Variants in AP3B2 observed in about 807,000 individuals in gnomAD.
The protein encoded by AP3B2 is AP-3 complex subunit beta-2.
In AP3B2, 50 loss-of-function variants were observed where a neutral mutation model predicts 126.9. The ratio of observed to expected loss-of-function variants is 0.39; its 90% CI spans 0.31 to 0.50. AP3B2 has a LOEUF of 0.50. Ranked by LOEUF, AP3B2 falls within the 20% of genes least tolerant of loss-of-function variation. The probability of loss-of-function intolerance (pLI) is 0.79; values close to 1 mark genes in which losing one functional copy is unlikely to be tolerated. For missense variants in AP3B2, 1,177 were observed against 1,426.4 expected (o/e 0.83, Z 2.82); for synonymous variants, 541 against 565.0 (o/e 0.96, Z 0.60).
chr15:82,709,824 G>A lies in AP3B2; in HGVS notation c.-118C>T, dbSNP rs994480131. ...CTGGCGAAGGCGGCGGCGCGGCAGG[G>A]GTTCAGCAGAGGCTGCAGTGTGCAG... On this transcript the variant is annotated 5_prime_UTR_variant, in exon 1 of 27. Coordinates refer to ENST00000535359, the MANE Select transcript of AP3B2 (RefSeq NM_001278512.2). The A allele has an allele frequency of 5.3e-6, 4 of 756,326 alleles. No individual in the cohort carries two copies. The African/African-American group carries it at 7.5e-5, about 14-fold the overall frequency. The allele number at this position is 756,326 out of a possible 1,614,324, so 46.9% of individuals were successfully genotyped here. A position where few individuals can be genotyped will look rare whatever the true frequency, so the allele number is the denominator to read the frequency against.
chr15:82,665,476 G>A lies in AP3B2; in HGVS notation c.1952C>T (p.Pro651Leu). ...GCTGACCTCCACGTTGCGCACAGAT[G>A]GGTCTGGGGCTTCCTCCGGCCAGTC... ...LPDWPEEAPD[P>L]SVRNVEEEDL... The change falls in exon 16 of 27, where the codon CCA (proline) becomes CTA (leucine). Residue 651 changes from proline to leucine, a missense_variant. By Grantham distance (98) the Pro-to-Leu change is moderately conservative. This residue lies in a region of AP3B2 where 587 missense variants were observed against 571.3 expected (regional missense o/e 1.03). Transcript: ENST00000535359. This position sits in a 1 kb window ranked among gnomAD's most constrained non-coding sequence, Gnocchi z 4.4. 6.2e-7 allele frequency: 1 copy of A among 1,613,250 alleles called. No homozygotes were observed. The highest frequency in any genetic ancestry group is 1.1e-5 in the South Asian group (1 of 91,046).
In AP3B2 at chr15:82,681,311, C is replaced by A; in HGVS notation, c.521+109G>T. 1 of 1,539,426 alleles carries A rather than the reference C, an allele frequency of 6.5e-7. No individual in the cohort carries two copies. Among genetic ancestry groups the A allele is most frequent in the Non-Finnish European group, 8.8e-7 (1 of 1,133,744 alleles). On this transcript the variant is annotated intron_variant, in intron 5 of 26. Coordinates refer to ENST00000535359, the MANE Select transcript of AP3B2 (RefSeq NM_001278512.2). This position sits in a 1 kb window ranked among gnomAD's most constrained non-coding sequence, Gnocchi z 4.0. ...ATCTCTGTCAGTCCCCCAAACTACC[C>A]TCCTCAAACCCTCTGAGAAGCAGCA...
chr15:82,669,376 G>T (rs191724303), intron 14 of AP3B2, among the ~76,000 whole-genome samples: 1 of 152,150 alleles, frequency 6.6e-6, no homozygotes, highest in Admixed American at 6.5e-5. Flanking sequence ...CAGTAAAGTC[G>T]CAGGATACAA....
intron 1 of AP3B2, among the ~76,000 whole-genome samples, chr15:82,698,511 A>G (rs1023280321): frequency 6.6e-6 from 1 of 151,206 alleles, no homozygotes; most frequent in African/African-American, 2.4e-5. Flanking sequence ...CACATGCCGC[A>G]TCACATCTAA....
At chr15:82,690,349 A>G (rs1042427403) in intron 1 of AP3B2, among the ~76,000 whole-genome samples, 6 of 151,810 alleles carry the variant, frequency 4.0e-5, no homozygotes, top group African/African-American at 1.5e-4. Context: ...GGTGTGCTGC[A>G]CCCATTAATT....
chr15:82,695,983 G>A (rs2048624005), intron 1 of AP3B2, among the ~76,000 whole-genome samples: 1 of 152,208 alleles, frequency 6.6e-6, no homozygotes, highest in African/African-American at 2.4e-5. Context: ...CTGGTGAGCG[G>A]TGTGTATGAG....
rs750578859 is a variant in AP3B2 at position 82,663,168 on chromosome 15, G to A, written c.2563C>T (p.Leu855=). The change falls in exon 22 of 27, where the codon CTG becomes TTG. Residue 855 remains leucine, a synonymous_variant. Coordinates refer to ENST00000535359, the MANE Select transcript of AP3B2 (RefSeq NM_001278512.2). Reference sequence around the variant, plus strand: ...GAGTCTGTGAGTGTCAGGCCCTCCAGGTCAGCAGCCAGACTGGTAGACACA... The same window carrying A: ...GAGTCTGTGAGTGTCAGGCCCTCCAAGTCAGCAGCCAGACTGGTAGACACA... ...AIVSTSLAAD[L]EGLTLTDSTL... is the part of the protein sequence containing the mutation. The A allele has an allele frequency of 3.1e-6, 5 of 1,612,740 alleles. No individual in the cohort carries two copies. The highest frequency in any genetic ancestry group is 1.7e-5 in the Admixed American group (1 of 59,990).
At chr15:82,689,007 A>C (rs2048478899) in intron 3 of AP3B2, 151 bp downstream of exon 3, 10 of 1,030,530 alleles carry the variant, frequency 9.7e-6, no homozygotes, top group African/African-American at 1.6e-5. Context: ...CATCCAGTTC[A>C]GGGACATGGA....
Position 82,659,398 on chromosome 15 carries a change from C to CA in AP3B2, c.*161dup. 2.4e-6 allele frequency: 2 copies of CA among 817,694 alleles called. No homozygotes were observed. Among genetic ancestry groups the CA allele is most frequent in the East Asian group, 5.3e-5 (2 of 38,074 alleles). The allele number at this position is 817,694 out of a possible 1,614,324, so 50.7% of individuals were successfully genotyped here. Reference sequence around the variant, plus strand: ...ATCACTAAGGAATCCATGGGGAGGGCATTAGGGGAGGGCTTGGTCCTCCAG... The same window carrying CA: ...ATCACTAAGGAATCCATGGGGAGGGCAATTAGGGGAGGGCTTGGTCCTCCAG... On this transcript the variant is annotated 3_prime_UTR_variant, in exon 27 of 27. Coordinates refer to ENST00000535359, the MANE Select transcript of AP3B2 (RefSeq NM_001278512.2).
intron 1 of AP3B2, among the ~76,000 whole-genome samples, chr15:82,705,459 TCCCTCCACAAC>T (rs751193815): frequency 3.3e-5 from 5 of 151,962 alleles, no homozygotes; most frequent in South Asian, 2.1e-4. Flanking sequence ...CCTCAATACC[TCCCTCCACAAC>T]CCCTCCACAA....
At chr15:82,663,735 C>G (rs1189563736) in intron 20 of AP3B2, 66 bp downstream of exon 20, 1 of 1,597,412 alleles carries the variant, frequency 6.3e-7, no homozygotes, top group Non-Finnish European at 8.5e-7. Context: ...ATGTCTGGGC[C>G]TGGCCCAGAG....
chr15:82,688,838 G>T lies in AP3B2; in HGVS notation c.265-7C>A. On this transcript the variant is annotated splice_polypyrimidine_tract_variant and splice_region_variant and intron_variant, in intron 3 of 26. Transcript: ENST00000535359. The stretch of plus-strand genomic sequence containing the variant: ...CATAGACAAGCTTCTTCACCTTGGG[G>T]AGAGCACGTTTCTCAGCAGAACGCT... The T allele has an allele frequency of 6.2e-7, 1 of 1,607,298 alleles. No homozygotes were observed. The highest frequency in any genetic ancestry group is 8.5e-7 in the Non-Finnish European group (1 of 1,176,744).
At chr15:82,700,743 G>A (rs1000425343) in intron 1 of AP3B2, among the ~76,000 whole-genome samples, 3 of 151,796 alleles carry the variant, frequency 2.0e-5, no homozygotes, top group Non-Finnish European at 4.4e-5. Context: ...TGACCCTCAA[G>A]TCCCCATTCC....
chr15:82,703,572 G>A lies in AP3B2; in HGVS notation c.113+6022C>T, dbSNP rs576014016. On this transcript the variant is annotated intron_variant, in intron 1 of 26. Transcript: ENST00000535359. ...AATGCCTTATTTTCTTTGCAATGCCGCTTAACCCCAATACAAACTCAACAA... is the reference window on the plus strand; with the variant it reads ...AATGCCTTATTTTCTTTGCAATGCCACTTAACCCCAATACAAACTCAACAA... Among the ~76,000 whole-genome samples the A allele has an allele frequency of 1.1e-4, 16 of 152,086 alleles. No individual in the cohort carries two copies. The South Asian group carries it at 1.5e-3, about 14-fold the overall frequency.
intron 14 of AP3B2, 89 bp from the exon 15 acceptor site, chr15:82,667,022 G>A: frequency 7.4e-7 from 1 of 1,351,562 alleles, no homozygotes; most frequent in Non-Finnish European, 1.0e-6. Flanking sequence ...ACACTTTCAG[G>A]CAGAACGTCT....
In AP3B2 at chr15:82,681,795, T is replaced by G. The variant is rs1015501186; in HGVS notation, c.361-215A>C. On this transcript the variant is annotated intron_variant, in intron 4 of 26. Coordinates refer to ENST00000535359, the MANE Select transcript of AP3B2 (RefSeq NM_001278512.2). This position sits in a 1 kb window ranked among gnomAD's most constrained non-coding sequence, Gnocchi z 4.0. ...TCTGACACCTGAACAGGTGTTGCAA[T>G]GGGTAGCTTCACTTCCAGAAACACT... is the stretch of plus-strand genomic sequence containing the variant. Among the ~76,000 whole-genome samples, 8 of 152,152 alleles carry G rather than the reference T, an allele frequency of 5.3e-5. No homozygotes were observed. The highest frequency in any genetic ancestry group is 1.9e-4 in the African/African-American group (8 of 41,436).
chr15:82,687,810 G>C (rs1181460594), intron 4 of AP3B2: 2 of 152,160 alleles, frequency 1.3e-5, no homozygotes, highest in Non-Finnish European at 2.9e-5. Context: ...ACAGAAATTT[G>C]AACTAAAAGT....
chr15:82,663,272 G>A (rs2047987706), intron 21 of AP3B2, 39 bp from the exon 22 acceptor site: 2 of 1,515,754 alleles, frequency 1.3e-6, no homozygotes, highest in Non-Finnish European at 1.8e-6. Context: ...GCAAAGTGGA[G>A]GTGGCTTGGG....
rs200344551 is a variant in AP3B2 at position 82,664,983 on chromosome 15, T to C, written c.2029-40A>G. The C allele has an allele frequency of 3.9e-5, 58 of 1,484,420 alleles. No homozygotes were observed. Among genetic ancestry groups the C allele is most frequent in the South Asian group, 2.3e-4 (19 of 84,118 alleles). The allele number at this position is 1,484,420 out of a possible 1,614,324, so 92.0% of individuals were successfully genotyped here. A position where few individuals can be genotyped will look rare whatever the true frequency, so the allele number is the denominator to read the frequency against. ...AGGGTGCAGGGTCATTTCATCATGG[T>C]TGGGGAGAAGGCAGGCAGGCACAAG... On this transcript the variant is annotated intron_variant, in intron 17 of 26. Coordinates refer to ENST00000535359, the MANE Select transcript of AP3B2 (RefSeq NM_001278512.2). This position sits in a 1 kb window ranked among gnomAD's most constrained non-coding sequence, Gnocchi z 4.5.
Sources: allele counts gnomAD v4.1 joint callset (sites outside exome capture counted in the v4.1 genomes callset), GRCh38; gene constraint gnomAD v4.1.1; regional missense constraint gnomAD v4.1.1; non-coding constraint Gnocchi (gnomAD v3.1); transcripts MANE v1.5; gene names NCBI Gene and HGNC (gene_info 2026-07-23, HGNC 2026-07-21).